Variants in ROBO2 observed in about 807,000 individuals in gnomAD.
ROBO2 encodes the protein roundabout homolog 2.
ROBO2 carries 53 observed loss-of-function variants against 160.8 expected under a neutral mutation model. The ratio of observed to expected loss-of-function variants is 0.33; its 90% CI spans 0.26 to 0.41. ROBO2 has a LOEUF of 0.41. Among genes scored for constraint, ROBO2 ranks in the 10% least tolerant of loss-of-function variants. The pLI is 1.00. For synonymous variants in ROBO2, 664 were observed against 611.7 expected (o/e 1.09, Z -1.26); for missense variants, 1,577 against 1,722.4 (o/e 0.92, Z 1.49).
intron 2 of ROBO2, among the ~76,000 whole-genome samples, chr3:76,122,960 G>C (rs543947133): frequency 6.6e-6 from 1 of 152,030 alleles, no homozygotes; most frequent in African/African-American, 2.4e-5. Flanking sequence ...TGTTAGCCAG[G>C]TTGGTCTTGA....
At chr3:76,583,549 C>CT (rs1241655724) in intron 2 of ROBO2, among the ~76,000 whole-genome samples, 1 of 152,140 alleles carries the variant, frequency 6.6e-6, no homozygotes, top group Non-Finnish European at 1.5e-5. Flanking sequence ...TGGACTCTCT[C>CT]TTTTTGGGTT....
chr3:77,432,233 A>G (rs897819854), intron 2 of ROBO2, among the ~76,000 whole-genome samples: 2 of 152,194 alleles, frequency 1.3e-5, no homozygotes, highest in African/African-American at 4.8e-5. Context: ...ACAGAAGTTT[A>G]TAGGAAATGT....
At chr3:77,401,212 C>T (rs7432690) in intron 2 of ROBO2, among the ~76,000 whole-genome samples, 57,278 of 150,966 alleles carry the variant, frequency 0.38, 11,251 homozygotes, top group East Asian at 0.45. Context: ...TATGAGCTTA[C>T]ATTTTATTTT....
intron 2 of ROBO2, among the ~76,000 whole-genome samples, chr3:76,201,583 G>A (rs1349855272): frequency 6.6e-6 from 1 of 152,086 alleles, no homozygotes; most frequent in Non-Finnish European, 1.5e-5. Flanking sequence ...TTAATTAAAG[G>A]TTGCCGTTAC....
At chr3:77,168,808 G>C (rs1244975834) in intron 2 of ROBO2, among the ~76,000 whole-genome samples, 2 of 152,138 alleles carry the variant, frequency 1.3e-5, no homozygotes, top group Non-Finnish European at 2.9e-5. Context: ...AATGTGAATT[G>C]CTCCCATGTG....
At chr3:77,493,346 G>A (rs1420183582) in exon 5 of ROBO2, 1 of 1,613,734 alleles carries the variant, frequency 6.2e-7, no homozygotes, top group African/African-American at 1.3e-5. Flanking sequence ...CCAACTGTGA[G>A]GTGGAAAAAG....
Position 76,694,894 on chromosome 3 carries a change from AG to A in ROBO2, c.110-403118del, listed in dbSNP as rs1376096585. On this transcript the variant is annotated intron_variant, in intron 2 of 26. Coordinates refer to the ROBO2 transcript ENST00000487694. ...TAAGGCAGGTGGATCACCTGAGGTC[AG>A]GAGTTCAAGACCAGCATGGCCAACA... Among the ~76,000 whole-genome samples the A allele has an allele frequency of 2.6e-5, 4 of 152,148 alleles. No individual in the cohort carries two copies. The East Asian group carries it at 7.8e-4, about 30-fold the overall frequency.
intron 2 of ROBO2, among the ~76,000 whole-genome samples, chr3:76,781,930 A>G (rs2062668718): frequency 6.6e-6 from 1 of 150,866 alleles, no homozygotes; most frequent in South Asian, 2.1e-4. Context: ...AGAGTCAGAG[A>G]AGATCTGGCA....
At chr3:76,707,760 T>TATATATATATATATAA (rs1491556017) in intron 2 of ROBO2, among the ~76,000 whole-genome samples, 5 of 134,410 alleles carry the variant, frequency 3.7e-5, no homozygotes, top group Non-Finnish European at 6.4e-5. Flanking sequence ...TATATATATA[T>TATATATATATATATAA]AAATCTTAAA....
intron 2 of ROBO2, among the ~76,000 whole-genome samples, chr3:76,869,162 G>A (rs1324161719): frequency 6.6e-6 from 1 of 152,090 alleles, no homozygotes; most frequent in Non-Finnish European, 1.5e-5. Flanking sequence ...TGCTGAAAGT[G>A]ACATAAGTGG....
chr3:75,997,694 C>T lies in ROBO2; in HGVS notation c.109+60092C>T, dbSNP rs979218750. 7.2e-5 allele frequency among the ~76,000 whole-genome samples: 11 copies of T among 151,916 alleles called. 1 individual carries two copies. The highest frequency in any genetic ancestry group is 2.6e-4 in the Admixed American group (4 of 15,254). On this transcript the variant is annotated intron_variant, in intron 2 of 26. Transcript: ENST00000487694. ...GTTTTTAGTAGAGACGGGGTTTCAC[C>T]GTGTTAGACAGGATGGTCTCGATCT...
At chr3:77,370,000 AT>A (rs2071495757) in intron 2 of ROBO2, among the ~76,000 whole-genome samples, 1 of 152,206 alleles carries the variant, frequency 6.6e-6, no homozygotes, top group African/African-American at 2.4e-5. Flanking sequence ...GTTTAAATAC[AT>A]TGTAGATGCA....
chr3:76,886,408 A>AAAAG (rs2073892496), intron 2 of ROBO2, among the ~76,000 whole-genome samples: 1 of 151,874 alleles, frequency 6.6e-6, no homozygotes, highest in Admixed American at 6.6e-5. Flanking sequence ...AAAAAAAAAA[A>AAAAG]CAACCTTTCT....
chr3:76,259,628 A>G (rs1315633407), intron 2 of ROBO2, among the ~76,000 whole-genome samples: 4 of 152,172 alleles, frequency 2.6e-5, no homozygotes, highest in Non-Finnish European at 5.9e-5. Flanking sequence ...TTTACTGTTC[A>G]GTATAGTAAA....
Position 76,734,691 on chromosome 3 carries a change from C to T in ROBO2, c.110-363323C>T, listed in dbSNP as rs764908047. Among the ~76,000 whole-genome samples, 74 of 152,136 alleles carry T rather than the reference C, an allele frequency of 4.9e-4. 1 individual carries two copies. The highest frequency in any genetic ancestry group is 6.2e-4 in the Non-Finnish European group (42 of 68,032). ...AAAGTTGTGCTTTGTCCCTCTTTCTCCCAGACTCTTCAATAACTAAAATTG... is the reference window on the plus strand; with the variant it reads ...AAAGTTGTGCTTTGTCCCTCTTTCTTCCAGACTCTTCAATAACTAAAATTG... On this transcript the variant is annotated intron_variant, in intron 2 of 26. Coordinates refer to the ROBO2 transcript ENST00000487694.
At chr3:77,199,727 A>G (rs907714980) in intron 2 of ROBO2, among the ~76,000 whole-genome samples, 2 of 150,530 alleles carry the variant, frequency 1.3e-5, no homozygotes, top group Non-Finnish European at 2.9e-5. Context: ...TGCTCAAGCA[A>G]TCCTCCCACC....
intron 2 of ROBO2, among the ~76,000 whole-genome samples, chr3:76,927,233 A>C (rs1286300915): frequency 6.6e-6 from 1 of 152,168 alleles, no homozygotes; most frequent in African/African-American, 2.4e-5. Context: ...ACATCATGAA[A>C]TACATTCCCA....
intron 2 of ROBO2, among the ~76,000 whole-genome samples, chr3:76,192,524 C>CCACACACACA (rs3039244): frequency 6.6e-4 from 86 of 130,152 alleles, no homozygotes; most frequent in South Asian, 1.9e-3. Flanking sequence ...CAACACTCCA[C>CCACACACACA]CACACACACA....
chr3:77,585,499 A>G (rs2094022748), intron 16 of ROBO2, among the ~76,000 whole-genome samples: 1 of 151,980 alleles, frequency 6.6e-6, no homozygotes, highest in African/African-American at 2.4e-5. Context: ...GTGTTTTCAC[A>G]TTTTTCTATG....
Sources: gnomAD v4.1 joint callset for allele counts (sites outside exome capture counted in the v4.1 genomes callset) on GRCh38, gnomAD v4.1.1 for gene constraint, MANE v1.5 for transcripts, NCBI Gene and HGNC (gene_info 2026-07-23, HGNC 2026-07-21) for gene names.